The following ALK variants were observed in gnomAD, a reference collection of about 807,000 sequenced individuals.
ALK encodes the protein ALK receptor tyrosine kinase, also known as ALK tyrosine kinase receptor.
A neutral mutation model predicts 163.1 loss-of-function variants in ALK; 74 were observed. That is an observed-to-expected ratio of 0.45 (90% confidence interval 0.38 to 0.55). ALK has a LOEUF of 0.55. Ranked by LOEUF, ALK falls within the 20% of genes least tolerant of loss-of-function variation. ALK has a pLI of 0.00. For missense variants in ALK, 2,063 were observed against 2,105.3 expected (o/e 0.98, Z 0.39); for synonymous variants, 960 against 843.2 (o/e 1.14, Z -2.40).
intron 1 of ALK, among the ~76,000 whole-genome samples, chr2:29,918,821 T>C (rs991951197): frequency 6.6e-6 from 1 of 152,230 alleles, no homozygotes; most frequent in Non-Finnish European, 1.5e-5. Context: ...GCATAAGAAC[T>C]TCATTTATTT....
chr2:29,285,042 C>T (rs1665816325), intron 9 of ALK, among the ~76,000 whole-genome samples: 1 of 152,210 alleles, frequency 6.6e-6, no homozygotes, highest in Admixed American at 6.5e-5. Context: ...CCCATGTCTA[C>T]TTAAGTTCGC....
intron 3 of ALK, among the ~76,000 whole-genome samples, chr2:29,692,486 C>T (rs1573559942): frequency 6.6e-6 from 1 of 152,312 alleles, no homozygotes; most frequent in East Asian, 1.9e-4. Context: ...GATCATCAGG[C>T]ATTAGATTCT....
chr2:29,688,219 T>C (rs1018596449), intron 3 of ALK, among the ~76,000 whole-genome samples: 1 of 152,162 alleles, frequency 6.6e-6, no homozygotes, highest in African/African-American at 2.4e-5. Context: ...GCACAGCCCA[T>C]GCAATGGGAA....
chr2:29,472,968 A>G (rs1232383825), intron 4 of ALK, among the ~76,000 whole-genome samples: 1 of 152,356 alleles, frequency 6.6e-6, no homozygotes, highest in East Asian at 1.9e-4. Flanking sequence ...CCCAATCAAA[A>G]TCTCAGCAGA....
intron 1 of ALK, among the ~76,000 whole-genome samples, chr2:29,905,097 C>T (rs1016801059): frequency 4.6e-5 from 7 of 152,230 alleles, no homozygotes; most frequent in Admixed American, 2.6e-4. Flanking sequence ...CACCACACCA[C>T]TCAGATATGA....
At chr2:29,609,207 A>C (rs940526484) in intron 3 of ALK, among the ~76,000 whole-genome samples, 18 of 152,200 alleles carry the variant, frequency 1.2e-4, no homozygotes, top group African/African-American at 4.3e-4. Context: ...TACAGGTGTG[A>C]GCCACCATGC....
chr2:29,590,943 C>T (rs1049495971), intron 3 of ALK, among the ~76,000 whole-genome samples: 10 of 151,652 alleles, frequency 6.6e-5, no homozygotes, highest in South Asian at 2.1e-4. Flanking sequence ...TGTTGGCGGG[C>T]GCCTGTAGTC....
intron 26 of ALK, among the ~76,000 whole-genome samples, chr2:29,200,073 C>G (rs1208486812): frequency 2.0e-5 from 3 of 152,140 alleles, no homozygotes; most frequent in African/African-American, 7.2e-5. Context: ...TATTAGATCT[C>G]TTGATTTTGC....
At chr2:29,652,442 T>C (rs1677062650) in intron 3 of ALK, among the ~76,000 whole-genome samples, 1 of 152,196 alleles carries the variant, frequency 6.6e-6, no homozygotes, top group East Asian at 1.9e-4. Context: ...TGGTGTGATA[T>C]TGTGAAATAT....
chr2:29,260,911 CCTTCACTTTTAT>C (rs1665071239), intron 11 of ALK, among the ~76,000 whole-genome samples: 1 of 152,154 alleles, frequency 6.6e-6, no homozygotes, highest in South Asian at 2.1e-4. Context: ...CTGTTTCTTT[CCTTCACTTTTAT>C]CTGGACATTC....
At chr2:29,573,535 G>A (rs1321976827) in intron 3 of ALK, among the ~76,000 whole-genome samples, 1 of 152,140 alleles carries the variant, frequency 6.6e-6, no homozygotes, top group African/African-American at 2.4e-5. Flanking sequence ...CTATTGCCCA[G>A]GTGACATGTA....
chr2:29,218,184 T>C (rs531208364), intron 23 of ALK, among the ~76,000 whole-genome samples: 124 of 152,236 alleles, frequency 8.1e-4, no homozygotes, highest in African/African-American at 2.9e-3. Context: ...GGTGGGTGTA[T>C]GGGAGGCGGG....
chr2:29,623,997 A>G (rs1011838104), intron 3 of ALK, among the ~76,000 whole-genome samples: 1 of 152,224 alleles, frequency 6.6e-6, no homozygotes, highest in Non-Finnish European at 1.5e-5. Flanking sequence ...ATGAAGCTGA[A>G]ACTGTATTTC....
At chr2:29,704,253 G>T (rs1272480161) in intron 2 of ALK, among the ~76,000 whole-genome samples, 1 of 152,178 alleles carries the variant, frequency 6.6e-6, no homozygotes, top group Admixed American at 6.5e-5. Context: ...ATTGTACCCA[G>T]CTCAAGGGAA....
chr2:29,277,399 C>G (rs1213163558), intron 9 of ALK, among the ~76,000 whole-genome samples: 1 of 152,164 alleles, frequency 6.6e-6, no homozygotes. Flanking sequence ...TGGAGCAAAG[C>G]CTTGAATCCC....
intron 1 of ALK, among the ~76,000 whole-genome samples, chr2:29,900,995 G>GAGCAAGCAAGCAAGCA (rs58490938): frequency 3.4e-5 from 5 of 148,714 alleles, no homozygotes; most frequent in African/African-American, 1.2e-4. Flanking sequence ...GAGAGAGAGA[G>GAGCAAGCAAGCAAGCA]AGCAAGCAAG....
At chr2:29,382,225 G>T (rs113987278) in intron 5 of ALK, among the ~76,000 whole-genome samples, 6,434 of 152,212 alleles carry the variant, frequency 0.042, 155 homozygotes, top group African/African-American at 0.051. Flanking sequence ...AGATTAGAAA[G>T]ATTAGAAAAA....
chr2:29,292,453 C>T (rs952898596), intron 9 of ALK, among the ~76,000 whole-genome samples: 1 of 152,116 alleles, frequency 6.6e-6, no homozygotes. Flanking sequence ...GAGAACTTGC[C>T]TTTCTTCTAT....
chr2:29,425,542 C>T (rs1670115216), intron 4 of ALK, among the ~76,000 whole-genome samples: 1 of 152,166 alleles, frequency 6.6e-6, no homozygotes, highest in African/African-American at 2.4e-5. Context: ...CTCACCACAG[C>T]TCATGTGTAG....
Sources: gnomAD v4.1 joint callset for allele counts (sites outside exome capture counted in the v4.1 genomes callset) on GRCh38, gnomAD v4.1.1 for gene constraint, MANE v1.5 for transcripts, NCBI Gene and HGNC (gene_info 2026-07-23, HGNC 2026-07-21) for gene names.